MUC4: variants seen among roughly 807,000 people sequenced by gnomAD.
MUC4 encodes the protein mucin 4, cell surface associated.
Under a neutral mutation model 257.9 loss-of-function variants are expected in MUC4, and 202 were observed. That is an observed-to-expected ratio of 0.78 (90% CI 0.70 to 0.88). The LOEUF is 0.88. Among genes scored for constraint, MUC4 ranks in the 40% least tolerant of loss-of-function variants. The pLI is 0.00. For synonymous variants in MUC4, 2,351 were observed against 2,757.1 expected (o/e 0.85, Z 4.62); for missense variants, 5,976 against 6,513.7 (o/e 0.92, Z 2.84).
Position 195,757,460 on chromosome 3 carries a change from T to A in MUC4, c.14987-132A>T. 1 of 857,278 alleles carries A rather than the reference T, an allele frequency of 1.2e-6. No homozygotes were observed. Among genetic ancestry groups the A allele is most frequent in the Non-Finnish European group, 1.8e-6 (1 of 559,030 alleles). 53.1% of individuals were successfully genotyped at this position (857,278 alleles called of 1,614,324 possible). ...CCCCAGACAAATCTCATTGGTCATT[T>A]CCTTTGAGCAAGGCTGGTATCGGGG... On this transcript the variant is annotated intron_variant, in intron 17 of 24. Transcript: ENST00000463781. The surrounding 1 kb of genome is among the most constrained non-coding windows in gnomAD (Gnocchi z 4.8).
intron 16 of MUC4, 71 bp downstream of exon 16, chr3:195,760,813 G>A (rs1254297636): frequency 2.4e-6 from 3 of 1,266,782 alleles, no homozygotes; most frequent in Non-Finnish European, 3.5e-6. Context: ...GGGAAAAGCA[G>A]GGTCAGGCAA....
At chr3:195,778,226 T>C in intron 3 of MUC4, 77 bp downstream of exon 3, 1 of 1,481,212 alleles carries the variant, frequency 6.8e-7, no homozygotes, top group Non-Finnish European at 9.0e-7. Flanking sequence ...GAGCGGAGAC[T>C]GTGGGAAGTA....
intron 4 of MUC4, 99 bp downstream of exon 4, chr3:195,774,073 G>C: frequency 7.2e-7 from 1 of 1,383,420 alleles, no homozygotes; most frequent in South Asian, 1.5e-5. Context: ...GCCCAGCCAA[G>C]GCTGCTTCCA....
intron 17 of MUC4, among the ~76,000 whole-genome samples, chr3:195,758,550 T>A (rs907078001): frequency 7.3e-6 from 1 of 136,374 alleles, no homozygotes; most frequent in East Asian, 2.3e-4. Flanking sequence ...TATGATCAGA[T>A]TGAGATTAAA....
At position 195,784,862 on chromosome 3, in the gene MUC4, G is replaced by C. The variant is rs1252728483; in HGVS notation, c.6718C>G (p.Pro2240Ala). Reference protein sequence around the residue: ...TSSASTGQATPLPVTSLSSAS... With the variant: ...TSSASTGQATALPVTSLSSAS... ...GAGGAAAGGCTGGTGACAGGAAGAG[G>C]GGTGGCCTGTCCTGTGGATGCTGAG... Residue 2240 changes from proline (P) to alanine (A), a missense_variant, in exon 2 of 25, where the codon CCT becomes GCT. By Grantham distance (27) the Pro-to-Ala change is conservative. Transcript: ENST00000463781. 6.6e-7 allele frequency: 1 copy of C among 1,518,830 alleles called. No individual in the cohort carries two copies. The highest frequency in any genetic ancestry group is 2.0e-5 in the Admixed American group (1 of 49,710). The allele number at this position is 1,518,830 out of a possible 1,614,324, so 94.1% of individuals were successfully genotyped here.
rs1349408206 is a variant in MUC4 at position 195,780,435 on chromosome 3, G to A, written c.11145C>T (p.Val3715=). The A allele has an allele frequency of 6.5e-7, 1 of 1,536,040 alleles. No individual in the cohort carries two copies. The highest frequency in any genetic ancestry group is 2.1e-4 in the Middle Eastern group (1 of 4,812). ...CTGTAGATACTGAGGAAGTGCTGGT[G>A]ACAGGAAGAGGGGTGGTGTGACCTG... is the stretch of plus-strand genomic sequence containing the variant. The part of the protein sequence containing the change: ...SSSGHTTPLP[V]TSTSSVSTGH... The change falls in exon 2 of 25, where the codon GTC becomes GTT. Residue 3715 remains valine (V), a synonymous_variant. Coordinates refer to ENST00000463781, the MANE Select transcript of MUC4 (RefSeq NM_018406.7).
chr3:195,769,064 A>G lies in MUC4; in HGVS notation c.13487T>C (p.Val4496Ala). Residue 4496 changes from valine to alanine, a missense_variant, in exon 7 of 25, where the codon GTG becomes GCG. Around this residue, in one of 44 missense-constraint regions of MUC4, gnomAD observed 996 missense variants for 1,137.3 expected, o/e 0.88. Transcript: ENST00000463781. ...CACCGGGTTGCCTGAGCGCTGGGCC[A>G]CGTCCCACTGCATCCCACCGCTCTG... The part of the protein sequence containing the change: ...LYQSGGMQWD[V>A]AQRSGNPVLM... 2 of 1,614,056 alleles carry G rather than the reference A, an allele frequency of 1.2e-6. No individual in the cohort carries two copies. Among genetic ancestry groups the G allele is most frequent in the South Asian group, 2.2e-5 (2 of 91,068 alleles).
At chr3:195,792,292 TAAAC>T (rs538859691) in intron 1 of MUC4, among the ~76,000 whole-genome samples, 234 of 151,720 alleles carry the variant, frequency 1.5e-3, no homozygotes, top group Admixed American at 3.2e-3. Context: ...AAGAAAAAAA[TAAAC>T]AACCCCATCA....
rs779156727 is a variant in MUC4, at chr3:195,781,069, G to T, written c.10511C>A (p.Thr3504Asn). ...PSSASTGDTS[T>N]LPVTGASSAS... is the part of the protein sequence containing the mutation. ...TGAGGAAGCGCCGGTGACAGGAAGA[G>T]TGCTGGTGTCACCTGTGGATGCTGA... is the stretch of plus-strand genomic sequence containing the variant. The change falls in exon 2 of 25, where the codon ACT (threonine) becomes AAT (asparagine). Residue 3504 changes from threonine (T) to asparagine (N), a missense_variant. By Grantham distance (65) the Thr-to-Asn change is moderately conservative (BLOSUM62 0). Around this residue, in one of 44 missense-constraint regions of MUC4, gnomAD observed 297 missense variants for 240.9 expected, o/e 1.23. Transcript: ENST00000463781. 8.0e-6 allele frequency: 12 copies of T among 1,496,272 alleles called. No homozygotes were observed. The highest frequency in any genetic ancestry group is 7.5e-5 in the East Asian group (3 of 40,130). 92.7% of individuals were successfully genotyped at this position (1,496,272 alleles called of 1,614,324 possible). A position where few individuals can be genotyped will look rare whatever the true frequency, so the allele number is the denominator to read the frequency against.
rs1417169144 is a variant in MUC4, at chr3:195,783,842, T to A, written c.7738A>T (p.Thr2580Ser). Residue 2580 changes from threonine to serine, a missense_variant, in exon 2 of 25, where the codon ACC (threonine) becomes TCC (serine). Transcript: ENST00000463781. The stretch of plus-strand genomic sequence containing the variant: ...CCTGTGGATGCTGAGGAAGTGCTGG[T>A]GACAGGAAGAGGGGTGGCGTGACCT... Reference protein sequence around the residue: ...STGHATPLPVTSTSSASTGDT... With the variant: ...STGHATPLPVSSTSSASTGDT... The A allele has an allele frequency of 6.7e-7, 1 of 1,492,130 alleles. No homozygotes were observed. The highest frequency in any genetic ancestry group is 2.0e-5 in the Admixed American group (1 of 48,840). The allele number at this position is 1,492,130 out of a possible 1,614,324, so 92.4% of individuals were successfully genotyped here.
intron 1 of MUC4, among the ~76,000 whole-genome samples, chr3:195,807,656 G>C (rs932474994): frequency 1.3e-5 from 2 of 152,140 alleles, no homozygotes; most frequent in Non-Finnish European, 2.9e-5. Flanking sequence ...CTGAAACTAG[G>C]GGGAGAGAGA....
In MUC4 at chr3:195,781,793, T is replaced by C. The variant is rs1268960142; in HGVS notation, c.9787A>G (p.Thr3263Ala). The C allele has an allele frequency of 1.4e-5, 16 of 1,115,654 alleles. No homozygotes were observed. Among genetic ancestry groups the C allele is most frequent in the African/African-American group, 2.0e-5 (1 of 49,592 alleles). 69.1% of individuals were successfully genotyped at this position (1,115,654 alleles called of 1,614,324 possible). Reference protein sequence around the residue: ...DTSSASTGDTTSLPVTDTSSA... With the variant: ...DTSSASTGDTASLPVTDTSSA... ...GAAGTGTCGGTGACAGGAAGAGAGGTGGTGTCACCTGTGGATGCTGAGGAA... is the reference window on the plus strand; with the variant it reads ...GAAGTGTCGGTGACAGGAAGAGAGGCGGTGTCACCTGTGGATGCTGAGGAA... Residue 3263 changes from threonine (T) to alanine (A), a missense_variant, in exon 2 of 25, where the codon ACC (threonine) becomes GCC (alanine). Coordinates refer to ENST00000463781, the MANE Select transcript of MUC4 (RefSeq NM_018406.7).
chr3:195,762,015 G>C, intron 14 of MUC4, 72 bp downstream of exon 14: 1 of 1,486,376 alleles, frequency 6.7e-7, no homozygotes, highest in Non-Finnish European at 9.0e-7. Flanking sequence ...GGGCTGCCCG[G>C]GCCGCCGGCG....
intron 3 of MUC4, among the ~76,000 whole-genome samples, chr3:195,775,250 C>T (rs1404787140): frequency 2.0e-5 from 3 of 152,064 alleles, no homozygotes; most frequent in African/African-American, 7.3e-5. Context: ...GCTCCCGTTG[C>T]CTACAGGATT....
intron 2 of MUC4, 129 bp downstream of exon 2, chr3:195,778,661 C>A: frequency 1.6e-6 from 2 of 1,287,668 alleles, no homozygotes; most frequent in Non-Finnish European, 2.1e-6. Flanking sequence ...CCCATCACCT[C>A]CTCCCCTGTG....
At chr3:195,767,886 TCACCAC>T (rs1224448233) in intron 7 of MUC4, among the ~76,000 whole-genome samples, 1 of 69,866 alleles carries the variant, frequency 1.4e-5, no homozygotes. Flanking sequence ...ATCACCACCA[TCACCAC>T]CACCATCACC....
chr3:195,748,896 A>G lies in MUC4; in HGVS notation c.16034+6T>C, dbSNP rs1715738772. 1 of 1,574,314 alleles carries G rather than the reference A, an allele frequency of 6.4e-7. No homozygotes were observed. The highest frequency in any genetic ancestry group is 1.2e-5 in the South Asian group (1 of 85,372). On this transcript the variant is annotated splice_donor_region_variant and intron_variant, in intron 24 of 24. Coordinates refer to ENST00000463781, the MANE Select transcript of MUC4 (RefSeq NM_018406.7). ...TCCTCCACCTCCTGGCCACAGCCCT[A>G]TGCACCTGCAGCGGGGCCCACTGGG... is the stretch of plus-strand genomic sequence containing the variant.
Position 195,783,456 on chromosome 3 carries a change from G to A in MUC4, c.8124C>T (p.Thr2708=), listed in dbSNP as rs750039806. The change falls in exon 2 of 25, where the codon ACC becomes ACT. Residue 2708 remains threonine (T), a synonymous_variant. Coordinates refer to ENST00000463781, the MANE Select transcript of MUC4 (RefSeq NM_018406.7). ...CACCTGTGTATGCTGAGGAAGTGTC[G>A]GTGACAGGAAGAGAGGTGGTGTCAC... ...STGDTTSLPV[T]DTSSAYTGDT... 6.1e-3 allele frequency: 5,594 copies of A among 917,384 alleles called. 408 individuals carry two copies. Among genetic ancestry groups the A allele is most frequent in the South Asian group, 0.017 (929 of 53,348 alleles). The allele number at this position is 917,384 out of a possible 1,614,324, so 56.8% of individuals were successfully genotyped here.
At position 195,752,511 on chromosome 3, in the gene MUC4, G is replaced by T. The variant is rs371279613; in HGVS notation, c.15509-65C>A. The T allele has an allele frequency of 2.6e-5, 38 of 1,455,154 alleles. No individual in the cohort carries two copies. In the African/African-American group the frequency reaches 4.2e-4, roughly 16 times the overall value. The allele number at this position is 1,455,154 out of a possible 1,614,324, so 90.1% of individuals were successfully genotyped here. On this transcript the variant is annotated intron_variant, in intron 20 of 24. Transcript: ENST00000463781. ...TTACCCAGACTTACCCAAAAAGTCT[G>T]TCGGGCCAGCCCAAGTTGACTGCTC...
Sources: allele counts gnomAD v4.1 joint callset (sites outside exome capture counted in the v4.1 genomes callset), GRCh38; gene constraint gnomAD v4.1.1; regional missense constraint gnomAD v4.1.1; non-coding constraint Gnocchi (gnomAD v3.1); transcripts MANE v1.5; gene names NCBI Gene and HGNC (gene_info 2026-07-23, HGNC 2026-07-21).